SPATS2L: variants seen among roughly 807,000 people sequenced by gnomAD.
SPATS2L encodes spermatogenesis associated serine rich 2 like.
In SPATS2L, 30 loss-of-function variants were observed where a neutral mutation model predicts 59.6. That is an observed-to-expected ratio of 0.50 (90% CI 0.38 to 0.68). SPATS2L has a LOEUF of 0.68. SPATS2L is among the 30% of genes least tolerant of loss of function. SPATS2L has a pLI of 0.00. For synonymous variants in SPATS2L, 252 were observed against 263.5 expected, an observed-to-expected ratio of 0.96 and a Z score of 0.42; for missense variants, 615 against 700.0, an observed-to-expected ratio of 0.88 and a Z score of 1.37.
intron 6 of SPATS2L, among the ~76,000 whole-genome samples, chr2:200,437,966 CA>C (rs921258112): frequency 2.3e-4 from 35 of 152,220 alleles, no homozygotes; most frequent in African/African-American, 7.9e-4. Context: ...GAGCCAGACA[CA>C]AGTACTAGGG....
intron 6 of SPATS2L, among the ~76,000 whole-genome samples, chr2:200,426,519 A>G (rs2083592028): frequency 6.6e-6 from 1 of 152,194 alleles, no homozygotes. Context: ...ACTTGAGCCC[A>G]GGAATTCAAG....
At chr2:200,476,106 G>T (rs1192814058) in intron 12 of SPATS2L, among the ~76,000 whole-genome samples, 1 of 152,152 alleles carries the variant, frequency 6.6e-6, no homozygotes, top group East Asian at 1.9e-4. Context: ...TACTGACCTT[G>T]AGGAGTTCAG....
chr2:200,338,243 T>C (rs1442162420), intron 2 of SPATS2L, among the ~76,000 whole-genome samples: 1 of 152,160 alleles, frequency 6.6e-6, no homozygotes, highest in African/African-American at 2.4e-5. Context: ...CAGGCTGGTA[T>C]TGAACTCGTG....
chr2:200,442,686 TC>T (rs1453202018), intron 8 of SPATS2L, among the ~76,000 whole-genome samples: 1 of 152,214 alleles, frequency 6.6e-6, no homozygotes, highest in Non-Finnish European at 1.5e-5. Flanking sequence ...CTCCAGCTGC[TC>T]TGAGTACTTC....
At chr2:200,369,078 T>TAAAA (rs11383455) in intron 2 of SPATS2L, among the ~76,000 whole-genome samples, 8 of 126,278 alleles carry the variant, frequency 6.3e-5, no homozygotes, top group African/African-American at 1.1e-4. Context: ...TTGATAGTTC[T>TAAAA]AAAAAAAAAA....
chr2:200,477,008 C>T (rs1438920129), intron 12 of SPATS2L, among the ~76,000 whole-genome samples: 3 of 152,194 alleles, frequency 2.0e-5, no homozygotes, highest in Non-Finnish European at 4.4e-5. Flanking sequence ...TGCTGCTCTC[C>T]GACTCAGACT....
At chr2:200,385,026 A>G (rs2081947198) in intron 2 of SPATS2L, among the ~76,000 whole-genome samples, 1 of 152,242 alleles carries the variant, frequency 6.6e-6, no homozygotes, top group Non-Finnish European at 1.5e-5. Context: ...TAACAATTTT[A>G]AATGATAATA....
At position 200,322,724 on chromosome 2, in the gene SPATS2L, T is replaced by C. The variant is rs2079605670; in HGVS notation, c.-72-6707T>C. Among the ~76,000 whole-genome samples, 3 of 152,174 alleles carry C rather than the reference T, an allele frequency of 2.0e-5. No individual in the cohort carries two copies. The South Asian group carries it at 6.2e-4, about 32-fold the overall frequency. On this transcript the variant is annotated intron_variant, in intron 1 of 12. Transcript: ENST00000409140. ...TTGCCAGTCAGTACCTAACACACAG[T>C]TTCTTAGAACAAAGGAGCAATTGAA...
intron 10 of SPATS2L, among the ~76,000 whole-genome samples, chr2:200,468,372 A>ACACACACACACACACG (rs1225077470): frequency 5.3e-5 from 8 of 151,476 alleles, no homozygotes; most frequent in African/African-American, 1.7e-4. Context: ...ACACACACAC[A>ACACACACACACACACG]CACACACGCC....
rs151309296 is a variant in SPATS2L, at chr2:200,312,404, C to T, written c.-73+5482C>T. ...GAACCCTCATTCTGATTCTGTGGAACGGAGTCCCATGGTCTGTAAAGCTAG... is the reference window on the plus strand; with the variant it reads ...GAACCCTCATTCTGATTCTGTGGAATGGAGTCCCATGGTCTGTAAAGCTAG... On this transcript the variant is annotated intron_variant, in intron 1 of 12. Transcript: ENST00000409140. Among the ~76,000 whole-genome samples the T allele has an allele frequency of 5.3e-4, 80 of 152,220 alleles. No individual in the cohort carries two copies. In the East Asian group the frequency reaches 9.5e-3, roughly 18 times the overall value.
At chr2:200,339,086 A>G (rs1338624334) in intron 2 of SPATS2L, among the ~76,000 whole-genome samples, 1 of 152,202 alleles carries the variant, frequency 6.6e-6, no homozygotes, top group Non-Finnish European at 1.5e-5. Flanking sequence ...AGAGTTTACA[A>G]TTTCCCCTTT....
chr2:200,342,260 A>G (rs893391840), intron 2 of SPATS2L, among the ~76,000 whole-genome samples: 1 of 152,218 alleles, frequency 6.6e-6, no homozygotes, highest in African/African-American at 2.4e-5. Flanking sequence ...GAAGAGAGGT[A>G]GAAAGCAAGT....
At chr2:200,375,064 C>A (rs1333577585) in intron 2 of SPATS2L, among the ~76,000 whole-genome samples, 8 of 152,172 alleles carry the variant, frequency 5.3e-5, no homozygotes, top group Non-Finnish European at 1.0e-4. Context: ...GAGCTCCGTG[C>A]AAAGTAGAGA....
At chr2:200,320,502 C>T (rs1483403248) in intron 1 of SPATS2L, among the ~76,000 whole-genome samples, 1 of 152,156 alleles carries the variant, frequency 6.6e-6, no homozygotes, top group East Asian at 1.9e-4. Context: ...GGAAATTACT[C>T]CATAGGTGTC....
intron 2 of SPATS2L, among the ~76,000 whole-genome samples, chr2:200,353,688 T>C (rs2080814651): frequency 6.6e-6 from 1 of 152,062 alleles, no homozygotes; most frequent in African/African-American, 2.4e-5. Flanking sequence ...AAAAAAAAAT[T>C]CTGAAGGTAT....
At chr2:200,365,127 T>G (rs537538924) in intron 2 of SPATS2L, among the ~76,000 whole-genome samples, 5 of 152,294 alleles carry the variant, frequency 3.3e-5, no homozygotes, top group Admixed American at 3.3e-4. Flanking sequence ...GGGAACAGCT[T>G]TTGCATTATC....
At chr2:200,412,817 G>A (rs577759824) in intron 4 of SPATS2L, among the ~76,000 whole-genome samples, 4 of 152,198 alleles carry the variant, frequency 2.6e-5, no homozygotes, top group South Asian at 2.1e-4. Flanking sequence ...TTCGGAAGGC[G>A]AAGGTGGGCA....
chr2:200,426,387 A>G (rs12990298), intron 6 of SPATS2L, among the ~76,000 whole-genome samples: 61,616 of 151,998 alleles, frequency 0.41, 12,514 homozygotes, highest in East Asian at 0.58. Flanking sequence ...CTCTATTAAC[A>G]TATATATAAC....
At chr2:200,459,899 A>G (rs1222982997) in intron 9 of SPATS2L, 72 bp downstream of exon 9, 3 of 1,132,320 alleles carry the variant, frequency 2.6e-6, no homozygotes, top group Non-Finnish European at 3.9e-6. Context: ...CAGACTGACA[A>G]TGATACCGGC....
Sources: gnomAD v4.1 joint callset for allele counts (sites outside exome capture counted in the v4.1 genomes callset) on GRCh38, gnomAD v4.1.1 for gene constraint, MANE v1.5 for transcripts, NCBI Gene and HGNC (gene_info 2026-07-23, HGNC 2026-07-21) for gene names.